Variants in PIP5K1B observed in about 807,000 individuals in gnomAD.
The protein encoded by PIP5K1B is phosphatidylinositol 4-phosphate 5-kinase type-1 beta.
Under a neutral mutation model 67.0 loss-of-function variants are expected in PIP5K1B, and 42 were observed. That is an observed-to-expected ratio of 0.63 (90% confidence interval 0.49 to 0.81). PIP5K1B has a LOEUF of 0.81. PIP5K1B is among the 30% of genes least tolerant of loss of function. The pLI is 0.00. For missense variants in PIP5K1B, 459 were observed against 646.3 expected (o/e 0.71, Z 3.14); for synonymous variants, 214 against 231.4 (o/e 0.92, Z 0.68).
At chr9:68,831,996 G>C (rs1834350295) in intron 4 of PIP5K1B, among the ~76,000 whole-genome samples, 2 of 152,206 alleles carry the variant, frequency 1.3e-5, no homozygotes, top group South Asian at 4.1e-4. Flanking sequence ...ATTTTAAAAT[G>C]TTTTCCCTGA....
At chr9:68,986,585 TAAC>T (rs1830103860) in intron 14 of PIP5K1B, among the ~76,000 whole-genome samples, 1 of 152,162 alleles carries the variant, frequency 6.6e-6, no homozygotes, top group South Asian at 2.1e-4. Flanking sequence ...ACAGTATAAA[TAAC>T]AACGTTTTAA....
At chr9:68,991,499 T>C (rs1298484858) in intron 15 of PIP5K1B, among the ~76,000 whole-genome samples, 1 of 152,234 alleles carries the variant, frequency 6.6e-6, no homozygotes, top group African/African-American at 2.4e-5. Flanking sequence ...ACGAATCCTC[T>C]AATGTTGAGG....
At chr9:68,905,980 T>C (rs779782587) in intron 8 of PIP5K1B, among the ~76,000 whole-genome samples, 1 of 152,196 alleles carries the variant, frequency 6.6e-6, no homozygotes, top group Non-Finnish European at 1.5e-5. Flanking sequence ...GTCCCTTTGA[T>C]ATCACCAGTG....
At chr9:68,911,112 G>A (rs780179299) in intron 8 of PIP5K1B, among the ~76,000 whole-genome samples, 3 of 152,198 alleles carry the variant, frequency 2.0e-5, no homozygotes, top group Non-Finnish European at 2.9e-5. Context: ...GGTGGCTCAC[G>A]CCTGTAATCC....
At chr9:68,855,161 A>T (rs1410305271) in intron 4 of PIP5K1B, among the ~76,000 whole-genome samples, 1 of 152,218 alleles carries the variant, frequency 6.6e-6, no homozygotes, top group Non-Finnish European at 1.5e-5. Context: ...CTACTTGTGG[A>T]GACGGTTGTC....
intron 13 of PIP5K1B, among the ~76,000 whole-genome samples, chr9:68,938,950 C>G (rs928828081): frequency 6.6e-6 from 1 of 152,222 alleles, no homozygotes; most frequent in Non-Finnish European, 1.5e-5. Flanking sequence ...TTAGGTGAGG[C>G]TCCCCTGAAT....
intron 15 of PIP5K1B, among the ~76,000 whole-genome samples, chr9:68,991,649 C>G (rs890234577): frequency 2.0e-5 from 3 of 152,194 alleles, no homozygotes; most frequent in Non-Finnish European, 4.4e-5. Context: ...AGAACTGGGT[C>G]ATGGGAAGAA....
chr9:68,739,450 A>G (rs2132311766), intron 1 of PIP5K1B, among the ~76,000 whole-genome samples: 1 of 152,322 alleles, frequency 6.6e-6, no homozygotes, highest in Admixed American at 6.5e-5. Flanking sequence ...GGGTACCTTT[A>G]TTTTGACTGA....
At chr9:68,875,208 A>T (rs565909104) in intron 5 of PIP5K1B, among the ~76,000 whole-genome samples, 26 of 135,980 alleles carry the variant, frequency 1.9e-4, no homozygotes, top group African/African-American at 6.5e-4. Flanking sequence ...CTGCTGCCTG[A>T]GTGTAATCCT....
intron 6 of PIP5K1B, among the ~76,000 whole-genome samples, chr9:68,880,664 A>C (rs1377665807): frequency 6.6e-6 from 1 of 151,862 alleles, no homozygotes; most frequent in Non-Finnish European, 1.5e-5. Context: ...AGAGCCAGGT[A>C]TGTAAGTGTG....
intron 5 of PIP5K1B, among the ~76,000 whole-genome samples, chr9:68,874,658 C>T (rs187376565): frequency 6.6e-6 from 1 of 152,272 alleles, no homozygotes. Context: ...GGGCCCAAAA[C>T]TGCAACAAAA....
chr9:68,707,236 A>G (rs1185561239), intron 1 of PIP5K1B, among the ~76,000 whole-genome samples: 1 of 152,236 alleles, frequency 6.6e-6, no homozygotes, highest in African/African-American at 2.4e-5. Context: ...GTGAAGCACT[A>G]AATGATAGAA....
At chr9:68,868,721 A>G (rs1823479128) in intron 5 of PIP5K1B, among the ~76,000 whole-genome samples, 1 of 152,236 alleles carries the variant, frequency 6.6e-6, no homozygotes, top group Non-Finnish European at 1.5e-5. Flanking sequence ...TGGAGGTGGC[A>G]AAAATGGTTT....
At chr9:68,909,859 G>C (rs1474610801) in intron 8 of PIP5K1B, among the ~76,000 whole-genome samples, 1 of 152,154 alleles carries the variant, frequency 6.6e-6, no homozygotes, top group Non-Finnish European at 1.5e-5. Context: ...CATCAGGAGT[G>C]GTAAAATGGG....
chr9:68,909,096 A>G (rs934096796), intron 8 of PIP5K1B, among the ~76,000 whole-genome samples: 6 of 152,214 alleles, frequency 3.9e-5, no homozygotes, highest in African/African-American at 7.2e-5. Context: ...CTAGCTCATC[A>G]TTGGCAAAGG....
chr9:68,840,156 C>T (rs1821843300), intron 4 of PIP5K1B, among the ~76,000 whole-genome samples: 1 of 152,194 alleles, frequency 6.6e-6, no homozygotes, highest in South Asian at 2.1e-4. Flanking sequence ...GCGGGCAGAT[C>T]ACCTGAGGTC....
intron 12 of PIP5K1B, among the ~76,000 whole-genome samples, chr9:68,928,478 T>A (rs2132571942): frequency 6.6e-6 from 1 of 152,344 alleles, no homozygotes; most frequent in East Asian, 1.9e-4. Flanking sequence ...ATCAGATAAA[T>A]GTTCACCCAT....
At chr9:68,975,972 A>G (rs1309954641) in intron 14 of PIP5K1B, among the ~76,000 whole-genome samples, 1 of 152,234 alleles carries the variant, frequency 6.6e-6, no homozygotes, top group Non-Finnish European at 1.5e-5. Flanking sequence ...ATAGGGTCAC[A>G]TTCTGAGGTA....
At chr9:68,903,677 G>A (rs1051574590) in intron 8 of PIP5K1B, among the ~76,000 whole-genome samples, 1 of 152,214 alleles carries the variant, frequency 6.6e-6, no homozygotes, top group Non-Finnish European at 1.5e-5. Context: ...ATCCATGCAA[G>A]ATAGTGTCAG....
Sources: allele counts gnomAD v4.1 joint callset (sites outside exome capture counted in the v4.1 genomes callset), GRCh38; gene constraint gnomAD v4.1.1; transcripts MANE v1.5; gene names NCBI Gene and HGNC (gene_info 2026-07-23, HGNC 2026-07-21).